Variants in RAD51B observed in about 807,000 individuals in gnomAD.
RAD51B encodes RAD51 paralog B.
RAD51B carries 38 observed loss-of-function variants against 42.2 expected under a neutral mutation model. That is an observed-to-expected ratio of 0.90 (90% CI 0.70 to 1.18). The LOEUF (loss-of-function observed/expected upper bound fraction) is 1.18, where lower values mean the gene tolerates loss of function less well. Among genes scored for constraint, RAD51B ranks in the 50% most tolerant of loss-of-function variants. The pLI is 0.00. For missense variants in RAD51B, 373 were observed against 400.7 expected (o/e 0.93, Z 0.59); for synonymous variants, 154 against 145.2 (o/e 1.06, Z -0.43).
chr14:68,489,987 A>G (rs749367750), intron 10 of RAD51B, among the ~76,000 whole-genome samples: 17 of 152,068 alleles, frequency 1.1e-4, no homozygotes, highest in Non-Finnish European at 1.9e-4. Context: ...TGTGGTAGAG[A>G]AGTGGGGAGA....
intron 7 of RAD51B, among the ~76,000 whole-genome samples, chr14:68,100,745 T>A (rs1196113689): frequency 6.6e-6 from 1 of 152,158 alleles, no homozygotes; most frequent in African/African-American, 2.4e-5. Context: ...GCCTTAGAGA[T>A]CATTGCCCTC....
chr14:68,061,940 A>G (rs1262140738), intron 7 of RAD51B, among the ~76,000 whole-genome samples: 1 of 152,222 alleles, frequency 6.6e-6, no homozygotes, highest in Admixed American at 6.5e-5. Flanking sequence ...TAAATTGAAT[A>G]AAAGTGGTGA....
chr14:68,680,288 A>G (rs538737602), intron 11 of RAD51B, among the ~76,000 whole-genome samples: 2 of 152,300 alleles, frequency 1.3e-5, no homozygotes, highest in South Asian at 4.1e-4. Context: ...CAAGCTACCA[A>G]TGTGATGTTA....
Position 68,184,639 on chromosome 14 carries a change from G to A in RAD51B, c.757-107245G>A, listed in dbSNP as rs1318917136. 3.2e-3 allele frequency among the ~76,000 whole-genome samples: 387 copies of A among 120,962 alleles called. 4 individuals are homozygous for A. The highest frequency in any genetic ancestry group is 0.01 in the African/African-American group (352 of 33,590). The allele number at this position is 120,962 out of a possible 152,430, so 79.4% of individuals were successfully genotyped here. A position where few individuals can be genotyped will look rare whatever the true frequency, so the allele number is the denominator to read the frequency against. ...AAAAAAAAAACCAAAAAAAAAAACA[G>A]GAAGAAGAAGAAGGAGAACAATTGT... is the stretch of plus-strand genomic sequence containing the variant. On this transcript the variant is annotated intron_variant, in intron 7 of 10. Coordinates refer to ENST00000471583, the MANE Select transcript of RAD51B (RefSeq NM_133510.4).
intron 7 of RAD51B, among the ~76,000 whole-genome samples, chr14:67,951,381 A>T (rs191570713): frequency 1.7e-3 from 260 of 152,270 alleles, no homozygotes; most frequent in African/African-American, 6.1e-3. Context: ...GTCAAGTTAA[A>T]TTTTTATGAG....
intron 7 of RAD51B, among the ~76,000 whole-genome samples, chr14:68,267,205 C>T (rs1218266471): frequency 2.6e-5 from 4 of 152,152 alleles, no homozygotes; most frequent in Non-Finnish European, 5.9e-5. Context: ...GAAATTCTTG[C>T]TCTTTTGGTT....
At position 68,544,161 on chromosome 14, in the gene RAD51B, G is replaced by C. The variant is rs573587306; in HGVS notation, c.1037-50324G>C. On this transcript the variant is annotated intron_variant, in intron 10 of 10. Transcript: ENST00000487270. The stretch of plus-strand genomic sequence containing the variant: ...TAGACTAGAACTTGGCAGGAATAAA[G>C]AGATTTACACCAAGCCTGCATCCCC... 3.3e-5 allele frequency among the ~76,000 whole-genome samples: 5 copies of C among 152,322 alleles called. 1 individual carries two copies. The highest frequency in any genetic ancestry group is 1.2e-4 in the African/African-American group (5 of 41,574).
chr14:68,673,234 GGTTTT>G (rs745708648), intron 11 of RAD51B, among the ~76,000 whole-genome samples: 14 of 152,142 alleles, frequency 9.2e-5, no homozygotes, highest in Non-Finnish European at 1.8e-4. Flanking sequence ...TAACTTGGAA[GGTTTT>G]GTTTTCACCA....
rs991467122 is a variant in RAD51B at position 68,478,024 on chromosome 14, G to A, written c.*360G>A. Reference sequence around the variant, plus strand: ...AAAGCCCACAATCCTCCTGGGGAGAGGAGGAGGATGACTAACAAGATTTGT... The same window carrying A: ...AAAGCCCACAATCCTCCTGGGGAGAAGAGGAGGATGACTAACAAGATTTGT... On this transcript the variant is annotated 3_prime_UTR_variant, in exon 11 of 11. Coordinates refer to ENST00000471583, the MANE Select transcript of RAD51B (RefSeq NM_133510.4). 6.4e-6 allele frequency: 7 copies of A among 1,090,512 alleles called. No individual in the cohort carries two copies. The highest frequency in any genetic ancestry group is 7.8e-6 in the Non-Finnish European group (7 of 896,846). 67.6% of individuals were successfully genotyped at this position (1,090,512 alleles called of 1,614,324 possible).
intron 8 of RAD51B, among the ~76,000 whole-genome samples, chr14:68,333,267 G>A (rs2082384030): frequency 6.7e-6 from 1 of 149,914 alleles, no homozygotes; most frequent in Non-Finnish European, 1.5e-5. Context: ...ATAGACGAGG[G>A]ATATAAACTG....
intron 10 of RAD51B, among the ~76,000 whole-genome samples, chr14:68,606,914 C>G (rs966274605): frequency 3.3e-5 from 5 of 152,160 alleles, no homozygotes; most frequent in African/African-American, 4.8e-5. Flanking sequence ...TCTGATCCAC[C>G]CAACTTCTTC....
intron 7 of RAD51B, among the ~76,000 whole-genome samples, chr14:68,002,662 T>C (rs2075507740): frequency 6.6e-6 from 1 of 152,166 alleles, no homozygotes; most frequent in Non-Finnish European, 1.5e-5. Context: ...ATAGTCAGGG[T>C]TTTACATTTA....
chr14:68,152,033 C>T (rs935004130), intron 7 of RAD51B, among the ~76,000 whole-genome samples: 6 of 151,390 alleles, frequency 4.0e-5, no homozygotes, highest in East Asian at 3.9e-4. Context: ...TTACTAGAGA[C>T]GGGGTTTCTC....
intron 7 of RAD51B, among the ~76,000 whole-genome samples, chr14:67,956,229 G>A (rs1327058649): frequency 1.3e-5 from 2 of 152,178 alleles, no homozygotes; most frequent in South Asian, 2.1e-4. Context: ...GCCGGGTGTG[G>A]TGGCTCACGC....
At chr14:68,115,040 A>G (rs1006101023) in intron 7 of RAD51B, among the ~76,000 whole-genome samples, 20 of 144,558 alleles carry the variant, frequency 1.4e-4, no homozygotes, top group Non-Finnish European at 2.4e-4. Flanking sequence ...CCATCCCATT[A>G]CTGGGTATAT....
At chr14:67,928,976 G>C (rs2140152245) in intron 7 of RAD51B, among the ~76,000 whole-genome samples, 1 of 152,086 alleles carries the variant, frequency 6.6e-6, no homozygotes, top group East Asian at 1.9e-4. Context: ...TTCTGAGTTT[G>C]TTTATTTGGG....
At chr14:68,440,328 A>G (rs1052389778) in intron 9 of RAD51B, among the ~76,000 whole-genome samples, 1 of 152,232 alleles carries the variant, frequency 6.6e-6, no homozygotes, top group African/African-American at 2.4e-5. Flanking sequence ...AACTTTCAGA[A>G]CAAACTCTGT....
intron 10 of RAD51B, among the ~76,000 whole-genome samples, chr14:68,629,603 G>A (rs1892178139): frequency 6.6e-6 from 1 of 152,160 alleles, no homozygotes; most frequent in Non-Finnish European, 1.5e-5. Flanking sequence ...GCAGGTGAAG[G>A]AGGAACTGGC....
chr14:68,169,166 T>C (rs1024721477), intron 7 of RAD51B, among the ~76,000 whole-genome samples: 1 of 152,202 alleles, frequency 6.6e-6, no homozygotes, highest in African/African-American at 2.4e-5. Flanking sequence ...TTTCTTTTAA[T>C]CTGAGGCTTT....
Sources: allele counts gnomAD v4.1 joint callset (sites outside exome capture counted in the v4.1 genomes callset), GRCh38; gene constraint gnomAD v4.1.1; transcripts MANE v1.5; gene names NCBI Gene and HGNC (gene_info 2026-07-23, HGNC 2026-07-21).